Variants in INPPL1 observed in about 807,000 individuals in gnomAD.
The protein encoded by INPPL1 is phosphatidylinositol 3,4,5-trisphosphate 5-phosphatase 2.
In INPPL1, 91 loss-of-function variants were observed where a neutral mutation model predicts 139.3. That is an observed-to-expected ratio of 0.65 (90% CI 0.55 to 0.78). The LOEUF (loss-of-function observed/expected upper bound fraction) is 0.78, where lower values mean the gene tolerates loss of function less well. Among genes scored for constraint, INPPL1 ranks in the 30% least tolerant of loss-of-function variants. The pLI is 0.00. For missense variants in INPPL1, 1,411 were observed against 1,665.6 expected, an observed-to-expected ratio of 0.85 and a Z score of 2.66; for synonymous variants, 719 against 686.6, an observed-to-expected ratio of 1.05 and a Z score of -0.74.
In INPPL1 at chr11:72,234,982, TCTC is replaced by T; in HGVS notation, c.2416-133_2416-131del. The T allele has an allele frequency of 1.4e-6, 1 of 724,064 alleles. No homozygotes were observed. The highest frequency in any genetic ancestry group is 2.4e-5 in the Admixed American group (1 of 40,962). 44.9% of individuals were successfully genotyped at this position (724,064 alleles called of 1,614,324 possible). On this transcript the variant is annotated intron_variant, in intron 21 of 27. Coordinates refer to ENST00000298229, the MANE Select transcript of INPPL1 (RefSeq NM_001567.4). This position sits in a 1 kb window ranked among gnomAD's most constrained non-coding sequence, Gnocchi z 4.2. Reference sequence around the variant, plus strand: ...TCTTCTGCATTAAGGATTTGGCTCTTCTCTGAAGAGTTGAGTGTGAGTGAGCAC... The same window carrying T: ...TCTTCTGCATTAAGGATTTGGCTCTTTGAAGAGTTGAGTGTGAGTGAGCAC...
chr11:72,226,497 T>G (rs1055933126), intron 1 of INPPL1, among the ~76,000 whole-genome samples: 3 of 152,098 alleles, frequency 2.0e-5, no homozygotes, highest in Non-Finnish European at 4.4e-5. Context: ...CATTTTTAAT[T>G]GTCACAACTG....
At position 72,230,804 on chromosome 11, in the gene INPPL1, G is replaced by A. The variant is rs1279846460; in HGVS notation, c.1206G>A (p.Glu402=). 1 of 1,613,964 alleles carries A rather than the reference G, an allele frequency of 6.2e-7. No individual in the cohort carries two copies. The highest frequency in any genetic ancestry group is 1.7e-5 in the Admixed American group (1 of 60,004). Residue 402 remains glutamate (E), a synonymous_variant, in exon 11 of 28, where the codon GAG becomes GAA. Transcript: ENST00000298229. The part of the protein sequence containing the change: ...DFIFVSARKR[E]AFCQLLQLMK... Reference sequence around the variant, plus strand: ...GGCTGCTGTTCCCCCAGAAGCGGGAGGCCTTCTGCCAGCTGTTGCAGCTCA... The same window carrying A: ...GGCTGCTGTTCCCCCAGAAGCGGGAAGCCTTCTGCCAGCTGTTGCAGCTCA...
chr11:72,225,290 A>C, intron 1 of INPPL1, 124 bp downstream of exon 1: 3 of 1,221,050 alleles, frequency 2.5e-6, no homozygotes, highest in Non-Finnish European at 3.1e-6. Flanking sequence ...TCCACCCCCC[A>C]GAGTGGGAGC....
At chr11:72,227,019 G>GGATCAGACGTGGGC (rs914653621) in intron 1 of INPPL1, among the ~76,000 whole-genome samples, 17 of 152,242 alleles carry the variant, frequency 1.1e-4, no homozygotes, top group Admixed American at 6.5e-4. Flanking sequence ...CTGGGGGTAA[G>GGATCAGACGTGGGC]GATCAGACGT....
intron 1 of INPPL1, among the ~76,000 whole-genome samples, chr11:72,225,709 G>A (rs1319000847): frequency 6.6e-6 from 1 of 152,186 alleles, no homozygotes; most frequent in Non-Finnish European, 1.5e-5. Context: ...CAGAGGCTGA[G>A]GCTGTATGGG....
rs1948824296 is a variant in INPPL1 at position 72,231,180 on chromosome 11, T to C, written c.1488T>C (p.Asp496=). ...RGGLKELTDL[D]YRPIAMQSLW... ...GCCTCAAGGAGCTTACGGATCTGGA[T>C]TACCGCCCGGTGAGGGGGGGTCATC... Residue 496 remains aspartate, a synonymous_variant, in exon 12 of 28, where the codon GAT becomes GAC. Coordinates refer to ENST00000298229, the MANE Select transcript of INPPL1 (RefSeq NM_001567.4). The C allele has an allele frequency of 6.2e-7, 1 of 1,611,466 alleles. No individual in the cohort carries two copies. Among genetic ancestry groups the C allele is most frequent in the African/African-American group, 1.3e-5 (1 of 74,858 alleles).
intron 7 of INPPL1, 81 bp from the exon 8 acceptor site, chr11:72,229,843 T>G: frequency 6.4e-7 from 1 of 1,560,394 alleles, no homozygotes; most frequent in Non-Finnish European, 8.8e-7. Flanking sequence ...AACTTAACAT[T>G]GGCCCCAAGG....
Position 72,235,821 on chromosome 11 carries a change from T to G in INPPL1, c.2739-25T>G. 6.2e-7 allele frequency: 1 copy of G among 1,613,038 alleles called. No individual in the cohort carries two copies. Among genetic ancestry groups the G allele is most frequent in the South Asian group, 1.1e-5 (1 of 90,978 alleles). On this transcript the variant is annotated intron_variant, in intron 24 of 27. Coordinates refer to ENST00000298229, the MANE Select transcript of INPPL1 (RefSeq NM_001567.4). The surrounding 1 kb of genome is among the most constrained non-coding windows in gnomAD (Gnocchi z 4.9). ...GGGGCATCTGGTCAACCCCACTTCA[T>G]CTCTCTCCTGTGCATCCCTGGCAGG...
At position 72,237,687 on chromosome 11, in the gene INPPL1, G is replaced by A. The variant is rs1001879206; in HGVS notation, c.3443G>A (p.Gly1148Asp). ...CCTGCACGCTCAGCGCTCCTCCCAG[G>A]CCCCCTGGAGCTGCAGCCCCCCCGG... ...AGPARSALLPGPLELQPPRGL... is the reference protein window; with the variant it reads ...AGPARSALLPDPLELQPPRGL... The change falls in exon 26 of 28, where the codon GGC (glycine) becomes GAC (aspartate). Residue 1148 changes from glycine to aspartate, a missense_variant. Gly to Asp is a moderately conservative substitution (Grantham distance 94). Around this residue, in one of 5 missense-constraint regions of INPPL1, gnomAD observed 438 missense variants for 425.7 expected, o/e 1.03. Coordinates refer to ENST00000298229, the MANE Select transcript of INPPL1 (RefSeq NM_001567.4). The A allele has an allele frequency of 1.9e-6, 3 of 1,611,748 alleles. No homozygotes were observed. Among genetic ancestry groups the A allele is most frequent in the Non-Finnish European group, 2.5e-6 (3 of 1,179,508 alleles).
chr11:72,229,172 G>C lies in INPPL1; in HGVS notation c.601G>C (p.Ala201Pro). 6.2e-7 allele frequency: 1 copy of C among 1,613,746 alleles called. No homozygotes were observed. The highest frequency in any genetic ancestry group is 8.5e-7 in the Non-Finnish European group (1 of 1,179,910). ...GLDLEAVRGG[A>P]SHLPHLTRTL... Reference sequence around the variant, plus strand: ...GGACCTGGAAGCTGTGAGGGGTGGAGCCAGCCACCTGCCCCACCTCACCCG... The same window carrying C: ...GGACCTGGAAGCTGTGAGGGGTGGACCCAGCCACCTGCCCCACCTCACCCG... Residue 201 changes from alanine (A) to proline (P), a missense_variant, in exon 5 of 28, where the codon GCC becomes CCC. This residue lies in a region of INPPL1 where 504 missense variants were observed against 595.6 expected (regional missense o/e 0.85). Coordinates refer to ENST00000298229, the MANE Select transcript of INPPL1 (RefSeq NM_001567.4).
In INPPL1 at chr11:72,231,031, A is replaced by G. The variant is rs1286684260; in HGVS notation, c.1339A>G (p.Thr447Ala). ...TCCAAAAAACGTGACATCCTGGTTC[A>G]CATCGAAGGGTCTGGGGAAGACCCT... ...PPPKNVTSWF[T>A]SKGLGKTLDE... The change falls in exon 12 of 28, where the codon ACA becomes GCA. Residue 447 changes from threonine (T) to alanine (A), a missense_variant. Physicochemically the swap from Thr to Ala is moderately conservative, Grantham distance 58. Coordinates refer to ENST00000298229, the MANE Select transcript of INPPL1 (RefSeq NM_001567.4). 1 of 1,614,038 alleles carries G rather than the reference A, an allele frequency of 6.2e-7. No homozygotes were observed. Among genetic ancestry groups the G allele is most frequent in the Admixed American group, 1.7e-5 (1 of 59,990 alleles).
rs1032175507 is a variant in INPPL1 at position 72,228,854 on chromosome 11, C to A, written c.518+7C>A. On this transcript the variant is annotated splice_region_variant and intron_variant, in intron 4 of 27. Transcript: ENST00000298229. This position sits in a 1 kb window ranked among gnomAD's most constrained non-coding sequence, Gnocchi z 5.0. Reference sequence around the variant, plus strand: ...CAGCTCCAGCTGCTGAGAGGTGAGACCCCCATCCCATCCACTGAACAGGAG... The same window carrying A: ...CAGCTCCAGCTGCTGAGAGGTGAGAACCCCATCCCATCCACTGAACAGGAG... 5 of 1,582,954 alleles carry A rather than the reference C, an allele frequency of 3.2e-6. No individual in the cohort carries two copies. The Middle Eastern group carries it at 5.1e-4, about 161-fold the overall frequency.
chr11:72,237,618 A>G lies in INPPL1; in HGVS notation c.3374A>G (p.Gln1125Arg). The G allele has an allele frequency of 6.2e-7, 1 of 1,605,768 alleles. No homozygotes were observed. Among genetic ancestry groups the G allele is most frequent in the East Asian group, 2.2e-5 (1 of 44,654 alleles). ...SGDDRSCSVL[Q>R]MAKTLSEVDY... ...GATGACCGGTCCTGCTCGGTGCTGC[A>G]GATGGCCAAGACGCTGAGCGAGGTG... is the stretch of plus-strand genomic sequence containing the variant. Residue 1125 changes from glutamine to arginine, a missense_variant, in exon 26 of 28, where the codon CAG (glutamine) becomes CGG (arginine). By Grantham distance (43) the Gln-to-Arg change is conservative. Around this residue, in one of 5 missense-constraint regions of INPPL1, gnomAD observed 438 missense variants for 425.7 expected, o/e 1.03. Transcript: ENST00000298229.
In INPPL1 at chr11:72,229,660, C is replaced by A. The variant is rs374049262; in HGVS notation, c.754-3C>A. On this transcript the variant is annotated splice_region_variant and splice_polypyrimidine_tract_variant and intron_variant, in intron 6 of 27. Coordinates refer to ENST00000298229, the MANE Select transcript of INPPL1 (RefSeq NM_001567.4). ...GTACAAGCCTGGTTCTTCCTCCCCC[C>A]AGAACCTGCCACAGACAGGGGAGCA... is the stretch of plus-strand genomic sequence containing the variant. 6.2e-7 allele frequency: 1 copy of A among 1,613,928 alleles called. No individual in the cohort carries two copies. The highest frequency in any genetic ancestry group is 8.5e-7 in the Non-Finnish European group (1 of 1,179,896).
At position 72,231,338 on chromosome 11, in the gene INPPL1, C is replaced by T. The variant is rs570850429; in HGVS notation, c.1497+149C>T. On this transcript the variant is annotated intron_variant, in intron 12 of 27. Transcript: ENST00000298229. ...ATCCTTTGGGAGATCTGACCTGAGT[C>T]CTTCATGCCACGAGAGGAACCATTT... 4.9e-5 allele frequency: 46 copies of T among 944,044 alleles called. No homozygotes were observed. In the East Asian group the frequency reaches 1.0e-3, roughly 21 times the overall value. 58.5% of individuals were successfully genotyped at this position (944,044 alleles called of 1,614,324 possible).
Position 72,232,978 on chromosome 11 carries a change from AGTGT to A in INPPL1, c.1951+6_1951+9del. 1 of 1,613,822 alleles carries A rather than the reference AGTGT, an allele frequency of 6.2e-7. No homozygotes were observed. On this transcript the variant is annotated splice_donor_5th_base_variant and intron_variant, in intron 16 of 27. Transcript: ENST00000298229. ...CACAAGGTCTTCCTTCGATTCAGTG[AGTGT>A]GGGCCTGGTAGGTGGTGATCTGAGG... is the stretch of plus-strand genomic sequence containing the variant.
chr11:72,232,345 G>A lies in INPPL1; in HGVS notation c.1712+9G>A, dbSNP rs1403508035. 1 of 1,550,184 alleles carries A rather than the reference G, an allele frequency of 6.5e-7. No homozygotes were observed. The highest frequency in any genetic ancestry group is 2.0e-5 in the Admixed American group (1 of 50,998). On this transcript the variant is annotated intron_variant, in intron 14 of 27. Transcript: ENST00000298229. ...AATGAGAAGACGGCTCGGTGAGGGG[G>A]CGCCTTTCCCATGGTCTCTTTACAC...
chr11:72,235,536 G>A lies in INPPL1; in HGVS notation c.2659+85G>A, dbSNP rs1591284701. On this transcript the variant is annotated intron_variant, in intron 23 of 27. Coordinates refer to ENST00000298229, the MANE Select transcript of INPPL1 (RefSeq NM_001567.4). The surrounding 1 kb of genome is among the most constrained non-coding windows in gnomAD (Gnocchi z 4.9). ...GCGGGGGGCATGTTGGAATCTCTGGGATACCTGGAGGTTCTGCAGCCACAG... is the reference window on the plus strand; with the variant it reads ...GCGGGGGGCATGTTGGAATCTCTGGAATACCTGGAGGTTCTGCAGCCACAG... 1 of 1,564,714 alleles carries A rather than the reference G, an allele frequency of 6.4e-7. No homozygotes were observed. The highest frequency in any genetic ancestry group is 2.2e-5 in the East Asian group (1 of 44,630).
intron 26 of INPPL1, 103 bp downstream of exon 26, chr11:72,237,899 C>G: frequency 1.4e-6 from 2 of 1,446,830 alleles, no homozygotes; most frequent in Non-Finnish European, 1.8e-6. Context: ...CCCTGCTACC[C>G]TGAACTGATC....
Sources: gnomAD v4.1 joint callset for allele counts (sites outside exome capture counted in the v4.1 genomes callset) on GRCh38, gnomAD v4.1.1 for gene constraint, gnomAD v4.1.1 regional missense constraint, Gnocchi (gnomAD v3.1) non-coding constraint, MANE v1.5 for transcripts, NCBI Gene and HGNC (gene_info 2026-07-23, HGNC 2026-07-21) for gene names.